CTNNA1: variants seen among roughly 807,000 people sequenced by gnomAD.
The protein encoded by CTNNA1 is catenin alpha-1.
A neutral mutation model predicts 98.4 loss-of-function variants in CTNNA1; 37 were observed. The observed-to-expected ratio is 0.38, with a 90% CI of 0.29 to 0.49. The LOEUF (loss-of-function observed/expected upper bound fraction) is 0.49. Ranked by LOEUF, CTNNA1 falls within the 20% of genes least tolerant of loss-of-function variation. The pLI, the probability that CTNNA1 is intolerant of heterozygous loss-of-function variation, is 0.95. For synonymous variants in CTNNA1, 404 were observed against 413.2 expected (o/e 0.98, Z 0.27); for missense variants, 761 against 1,147.2 (o/e 0.66, Z 4.86).
intron 3 of CTNNA1, among the ~76,000 whole-genome samples, chr5:138,792,232 G>C (rs949116739): frequency 1.3e-5 from 2 of 152,188 alleles, no homozygotes; most frequent in Admixed American, 1.3e-4. Flanking sequence ...ATAGTTCACT[G>C]TGAATCTTGG....
chr5:138,908,359 C>T (rs1226356612), intron 10 of CTNNA1, among the ~76,000 whole-genome samples: 1 of 152,176 alleles, frequency 6.6e-6, no homozygotes, highest in South Asian at 2.1e-4. Context: ...ACAACTTTAA[C>T]TGGAAACATT....
rs148466207 is a variant in CTNNA1, at chr5:138,847,711, T to A, written c.1062+19993T>A. On this transcript the variant is annotated intron_variant, in intron 7 of 17. Transcript: ENST00000302763. ...GCATATTTTGGGGGAGGGGCATTTC[T>A]CTCTAAATTGATGTACTAGGAGATA... 7.4e-4 allele frequency among the ~76,000 whole-genome samples: 113 copies of A among 152,232 alleles called. 1 individual carries two copies. Among genetic ancestry groups the A allele is most frequent in the Non-Finnish European group, 1.1e-3 (75 of 68,012 alleles).
chr5:138,811,640 G>C (rs1268325851), intron 4 of CTNNA1, among the ~76,000 whole-genome samples: 1 of 152,172 alleles, frequency 6.6e-6, no homozygotes, highest in Non-Finnish European at 1.5e-5. Flanking sequence ...TGAGCACCGA[G>C]TGAACCAGAC....
intron 7 of CTNNA1, among the ~76,000 whole-genome samples, chr5:138,865,348 T>A (rs1764660799): frequency 6.6e-6 from 1 of 152,186 alleles, no homozygotes; most frequent in Non-Finnish European, 1.5e-5. Flanking sequence ...GCAGCATGCT[T>A]GTGTAGGCTC....
chr5:138,904,982 T>C (rs1758877445), intron 10 of CTNNA1, among the ~76,000 whole-genome samples: 1 of 150,156 alleles, frequency 6.7e-6, no homozygotes, highest in Admixed American at 6.7e-5. Flanking sequence ...TAGTGCCAGC[T>C]ACTCGGGAGG....
intron 1 of CTNNA1, among the ~76,000 whole-genome samples, chr5:138,768,329 G>T (rs1046001486): frequency 6.6e-6 from 1 of 151,918 alleles, no homozygotes; most frequent in Non-Finnish European, 1.5e-5. Flanking sequence ...GTGCGATCTC[G>T]GCTCACCTCG....
Position 138,873,152 on chromosome 5 carries a change from T to C in CTNNA1, c.1063-13060T>C. 2 of 1,614,038 alleles carry C rather than the reference T, an allele frequency of 1.2e-6. No individual in the cohort carries two copies. Among genetic ancestry groups the C allele is most frequent in the Non-Finnish European group, 8.5e-7 (1 of 1,179,904 alleles). ...CATGTTTGACATATGGAGTCGTGTTTGGGATCGGAGCTGCCTGTGGTTCTG... is the reference window on the plus strand; with the variant it reads ...CATGTTTGACATATGGAGTCGTGTTCGGGATCGGAGCTGCCTGTGGTTCTG... On this transcript the variant is annotated intron_variant, in intron 7 of 17. Transcript: ENST00000302763. This position sits in a 1 kb window ranked among gnomAD's most constrained non-coding sequence, Gnocchi z 6.1.
chr5:138,837,030 A>G (rs756315334), intron 7 of CTNNA1, among the ~76,000 whole-genome samples: 1 of 152,216 alleles, frequency 6.6e-6, no homozygotes, highest in Admixed American at 6.5e-5. Context: ...CCAAAGCACT[A>G]TTAATATGGA....
chr5:138,900,200 A>G (rs1757735483), intron 9 of CTNNA1, among the ~76,000 whole-genome samples: 1 of 152,214 alleles, frequency 6.6e-6, no homozygotes, highest in South Asian at 2.1e-4. Flanking sequence ...AGACATTCAG[A>G]TCATTTTAAA....
intron 7 of CTNNA1, among the ~76,000 whole-genome samples, chr5:138,831,880 A>G (rs1761306708): frequency 1.3e-5 from 2 of 152,214 alleles, no homozygotes; most frequent in Admixed American, 1.3e-4. Context: ...GAATGAATAA[A>G]ATGAATAATT....
rs2150335339 is a variant in CTNNA1 at position 138,930,657 on chromosome 5, G to A, written c.2192+3G>A. On this transcript the variant is annotated splice_donor_region_variant and intron_variant, in intron 15 of 17. Transcript: ENST00000302763. Reference sequence around the variant, plus strand: ...ATGGAGATGACAGACTTTACCCGGTGAGCAGCACCCCGGCCCCACCAGGCT... The same window carrying A: ...ATGGAGATGACAGACTTTACCCGGTAAGCAGCACCCCGGCCCCACCAGGCT... 6.2e-7 allele frequency: 1 copy of A among 1,610,664 alleles called. No individual in the cohort carries two copies. The highest frequency in any genetic ancestry group is 8.5e-7 in the Non-Finnish European group (1 of 1,177,942).
At chr5:138,933,492 C>T (rs1765864501) in intron 17 of CTNNA1, among the ~76,000 whole-genome samples, 1 of 152,240 alleles carries the variant, frequency 6.6e-6, no homozygotes, top group African/African-American at 2.4e-5. Context: ...GTGCTTACAG[C>T]TCTGGGATCA....
At chr5:138,764,690 C>T (rs992434378) in intron 1 of CTNNA1, among the ~76,000 whole-genome samples, 29 of 151,480 alleles carry the variant, frequency 1.9e-4, no homozygotes, top group African/African-American at 7.0e-4. Context: ...AGGCTGGTCT[C>T]GAACTCCTGA....
intron 16 of CTNNA1, 62 bp from the exon 17 acceptor site, chr5:138,932,516 G>A (rs919039696): frequency 6.0e-5 from 95 of 1,592,490 alleles, no homozygotes; most frequent in Non-Finnish European, 6.9e-5. Flanking sequence ...AGAAACAGCC[G>A]TGGGGTCGGG....
At chr5:138,899,181 A>C (rs947666309) in intron 9 of CTNNA1, among the ~76,000 whole-genome samples, 1 of 152,054 alleles carries the variant, frequency 6.6e-6, no homozygotes. Flanking sequence ...TTCTTGCCCA[A>C]GACGGCTCAT....
At chr5:138,805,610 TTTTGTTTG>T (rs1161816716) in intron 3 of CTNNA1, among the ~76,000 whole-genome samples, 5 of 151,998 alleles carry the variant, frequency 3.3e-5, no homozygotes, top group Non-Finnish European at 7.4e-5. Flanking sequence ...ATTGGTCTAT[TTTTGTTTG>T]TTTGTTTGTT....
Position 138,873,019 on chromosome 5 carries a change from A to G in CTNNA1, c.1063-13193A>G, listed in dbSNP as rs1750829299. 2 of 1,604,128 alleles carry G rather than the reference A, an allele frequency of 1.2e-6. No homozygotes were observed. Among genetic ancestry groups the G allele is most frequent in the African/African-American group, 1.3e-5 (1 of 74,744 alleles). On this transcript the variant is annotated intron_variant, in intron 7 of 17. Coordinates refer to ENST00000302763, the MANE Select transcript of CTNNA1 (RefSeq NM_001903.5). This position sits in a 1 kb window ranked among gnomAD's most constrained non-coding sequence, Gnocchi z 6.1. ...TGATGATGGGTAGATATTATACTTC[A>G]CATTCTTTGTATGGCAGCTGCTGAC...
intron 7 of CTNNA1, chr5:138,869,580 CCT>C (rs1211370406): frequency 6.6e-6 from 1 of 152,042 alleles, no homozygotes; most frequent in African/African-American, 2.4e-5. Flanking sequence ...AGCTTTTTCC[CCT>C]GATAGCTGTG....
intron 10 of CTNNA1, 42 bp from the exon 11 acceptor site, chr5:138,917,700 C>T: frequency 1.3e-6 from 2 of 1,597,464 alleles, no homozygotes; most frequent in Non-Finnish European, 1.7e-6. Flanking sequence ...AAAGCCATGA[C>T]TCTGAAAAAG....
Sources: gnomAD v4.1 joint callset for allele counts (sites outside exome capture counted in the v4.1 genomes callset) on GRCh38, gnomAD v4.1.1 for gene constraint, Gnocchi (gnomAD v3.1) non-coding constraint, MANE v1.5 for transcripts, NCBI Gene and HGNC (gene_info 2026-07-23, HGNC 2026-07-21) for gene names.